Variants in RSBN1L observed in about 807,000 individuals in gnomAD.
RSBN1L encodes round spermatid basic protein 1 like, also known as lysine-specific demethylase RSBN1L.
RSBN1L carries 30 observed loss-of-function variants against 67.7 expected under a neutral mutation model. That is an observed-to-expected ratio of 0.44 (90% CI 0.33 to 0.60). RSBN1L has a LOEUF of 0.60. Ranked by LOEUF, RSBN1L falls within the 20% of genes least tolerant of loss-of-function variation. RSBN1L has a pLI of 0.02. For synonymous variants in RSBN1L, 433 were observed against 387.0 expected (o/e 1.12, Z -1.39); for missense variants, 992 against 1,031.7 (o/e 0.96, Z 0.53).
intron 1 of RSBN1L, among the ~76,000 whole-genome samples, chr7:77,718,550 C>CA (rs1276060960): frequency 1.3e-5 from 2 of 152,146 alleles, no homozygotes; most frequent in Non-Finnish European, 2.9e-5. Context: ...CCCGGCCTCT[C>CA]AAAGTGCTAG....
chr7:77,719,117 G>C lies in RSBN1L; in HGVS notation c.587-17293G>C, dbSNP rs540114528. On this transcript the variant is annotated intron_variant, in intron 1 of 7. Coordinates refer to ENST00000334955, the MANE Select transcript of RSBN1L (RefSeq NM_198467.3). ...CAAGTCTTCTTATGACTTAGCTTTGGAAGTCTGAACCAATTTCTCACTGCA... is the reference window on the plus strand; with the variant it reads ...CAAGTCTTCTTATGACTTAGCTTTGCAAGTCTGAACCAATTTCTCACTGCA... Among the ~76,000 whole-genome samples, 358 of 152,298 alleles carry C rather than the reference G, an allele frequency of 2.4e-3. 2 individuals are homozygous for C. The highest frequency in any genetic ancestry group is 8.1e-3 in the African/African-American group (338 of 41,562).
intron 4 of RSBN1L, among the ~76,000 whole-genome samples, chr7:77,767,114 C>T (rs979614559): frequency 3.1e-5 from 4 of 131,130 alleles, no homozygotes; most frequent in Non-Finnish European, 6.2e-5. Flanking sequence ...TCCTTTCTTT[C>T]GATGGGGTCC....
intron 1 of RSBN1L, among the ~76,000 whole-genome samples, chr7:77,701,454 C>T (rs1336897017): frequency 6.6e-6 from 1 of 151,992 alleles, no homozygotes; most frequent in African/African-American, 2.4e-5. Context: ...AAATAATTTT[C>T]CCTCAAAAGT....
chr7:77,763,763 GCTCA>G (rs1791726728), intron 3 of RSBN1L, among the ~76,000 whole-genome samples: 1 of 152,158 alleles, frequency 6.6e-6, no homozygotes, highest in Non-Finnish European at 1.5e-5. Flanking sequence ...CCTGATGACA[GCTCA>G]CTGCAGCCTG....
intron 4 of RSBN1L, chr7:77,768,434 A>C (rs1791803286): frequency 2.1e-6 from 1 of 470,034 alleles, no homozygotes; most frequent in African/African-American, 1.9e-5. Context: ...AGCAGGGTAT[A>C]GGGACAGAAC....
At chr7:77,736,370 AT>A (rs774551523) in intron 1 of RSBN1L, 39 bp from the exon 2 acceptor site, 6 of 906,552 alleles carry the variant, frequency 6.6e-6, no homozygotes, top group Non-Finnish European at 8.8e-6. Context: ...TGAAGTTGTA[AT>A]TTTTTCATTT....
In RSBN1L at chr7:77,697,002, A is replaced by G; in HGVS notation, c.533A>G (p.Glu178Gly). The G allele has an allele frequency of 1.3e-6, 2 of 1,531,828 alleles. No homozygotes were observed. The highest frequency in any genetic ancestry group is 1.7e-6 in the Non-Finnish European group (2 of 1,145,810). The allele number at this position is 1,531,828 out of a possible 1,614,324, so 94.9% of individuals were successfully genotyped here. A position where few individuals can be genotyped will look rare whatever the true frequency, so the allele number is the denominator to read the frequency against. Residue 178 changes from glutamate to glycine, a missense_variant, in exon 1 of 8, where the codon GAG becomes GGG. By Grantham distance (98) the Glu-to-Gly change is moderately conservative. This residue lies in a region of RSBN1L where 575 missense variants were observed against 483.2 expected (regional missense o/e 1.19). Coordinates refer to ENST00000334955, the MANE Select transcript of RSBN1L (RefSeq NM_198467.3). ...RRRHGLGGAR[E>G]AGGASREENG... is the part of the protein sequence containing the mutation. ...AGGCACGGTCTCGGTGGGGCCCGAG[A>G]GGCCGGCGGGGCCTCCCGGGAGGAG...
intron 1 of RSBN1L, among the ~76,000 whole-genome samples, chr7:77,719,080 A>C (rs193251334): frequency 6.6e-6 from 1 of 152,316 alleles, no homozygotes; most frequent in East Asian, 1.9e-4. Context: ...CCAGCGACAT[A>C]GGTGGAAACA....
At chr7:77,738,292 A>T (rs1202696691) in intron 2 of RSBN1L, among the ~76,000 whole-genome samples, 7 of 152,206 alleles carry the variant, frequency 4.6e-5, no homozygotes, top group Non-Finnish European at 1.0e-4. Flanking sequence ...AACAGCCTAA[A>T]AATTGAGATT....
At chr7:77,705,909 G>GT (rs1790885529) in intron 1 of RSBN1L, among the ~76,000 whole-genome samples, 1 of 151,016 alleles carries the variant, frequency 6.6e-6, no homozygotes, top group Non-Finnish European at 1.5e-5. Flanking sequence ...TTTCTTTTTT[G>GT]TTTTTTTCTG....
intron 5 of RSBN1L, among the ~76,000 whole-genome samples, chr7:77,772,009 A>G (rs776966425): frequency 1.3e-5 from 2 of 152,146 alleles, no homozygotes; most frequent in Non-Finnish European, 2.9e-5. Flanking sequence ...TAGTCTAACA[A>G]AAACAGTGTC....
intron 5 of RSBN1L, among the ~76,000 whole-genome samples, chr7:77,772,278 G>C (rs1332250088): frequency 6.6e-6 from 1 of 152,212 alleles, no homozygotes; most frequent in Non-Finnish European, 1.5e-5. Flanking sequence ...CAGTAAGGAA[G>C]AGTGATCCCT....
intron 2 of RSBN1L, among the ~76,000 whole-genome samples, chr7:77,748,605 C>T (rs1791513964): frequency 1.3e-5 from 2 of 152,052 alleles, no homozygotes; most frequent in South Asian, 2.1e-4. Context: ...CTGCCTCAGC[C>T]TCCCGGGTAG....
intron 1 of RSBN1L, among the ~76,000 whole-genome samples, chr7:77,732,721 T>G (rs941458955): frequency 2.0e-5 from 3 of 152,188 alleles, no homozygotes; most frequent in African/African-American, 4.8e-5. Context: ...ATGGCCAAAA[T>G]TTCTTTCTTT....
At chr7:77,757,030 C>G (rs1416265722) in intron 3 of RSBN1L, among the ~76,000 whole-genome samples, 2 of 152,078 alleles carry the variant, frequency 1.3e-5, no homozygotes, top group Non-Finnish European at 2.9e-5. Flanking sequence ...CCTCATGAGC[C>G]TAGTTTTCTG....
chr7:77,778,018 A>G (rs540321797), intron 6 of RSBN1L, among the ~76,000 whole-genome samples: 3 of 152,278 alleles, frequency 2.0e-5, no homozygotes, highest in African/African-American at 4.8e-5. Context: ...TTTATGAAGC[A>G]TTGATCTTAT....
chr7:77,753,319 C>G (rs1218834958), intron 3 of RSBN1L, among the ~76,000 whole-genome samples: 1 of 152,172 alleles, frequency 6.6e-6, no homozygotes, highest in Admixed American at 6.5e-5. Flanking sequence ...TTAAGTCATT[C>G]TGGTGACTAT....
Position 77,696,870 on chromosome 7 carries a change from T to C in RSBN1L, c.401T>C (p.Leu134Pro). ...VPRKLLVPPT[L>P]LHAQPHHLLL... ...CGCAAACTGCTGGTCCCTCCTACGC[T>C]GCTGCACGCTCAGCCTCACCATCTC... The change falls in exon 1 of 8, where the codon CTG becomes CCG. Residue 134 changes from leucine to proline, a missense_variant. Physicochemically the swap from Leu to Pro is moderately conservative, Grantham distance 98 (BLOSUM62 -3). Coordinates refer to ENST00000334955, the MANE Select transcript of RSBN1L (RefSeq NM_198467.3). The C allele has an allele frequency of 6.2e-7, 1 of 1,610,930 alleles. No homozygotes were observed. Among genetic ancestry groups the C allele is most frequent in the Non-Finnish European group, 8.5e-7 (1 of 1,179,840 alleles).
At chr7:77,759,897 G>C (rs1214686386) in intron 3 of RSBN1L, among the ~76,000 whole-genome samples, 1 of 152,192 alleles carries the variant, frequency 6.6e-6, no homozygotes, top group African/African-American at 2.4e-5. Context: ...GCCAGTGTGC[G>C]TGGTGAGCCT....
Sources: allele counts gnomAD v4.1 joint callset (sites outside exome capture counted in the v4.1 genomes callset), GRCh38; gene constraint gnomAD v4.1.1; regional missense constraint gnomAD v4.1.1; transcripts MANE v1.5; gene names NCBI Gene and HGNC (gene_info 2026-07-23, HGNC 2026-07-21).